The following CADPS2 variants were observed in gnomAD, a reference collection of about 807,000 sequenced individuals.
CADPS2 encodes calcium dependent secretion activator 2.
A neutral mutation model predicts 172.5 loss-of-function variants in CADPS2; 93 were observed. That is an observed-to-expected ratio of 0.54 (90% CI 0.46 to 0.64). The LOEUF (loss-of-function observed/expected upper bound fraction) is 0.64. Ranked by LOEUF, CADPS2 falls within the 30% of genes least tolerant of loss-of-function variation. CADPS2 has a pLI of 0.00. For missense variants in CADPS2, 1,420 were observed against 1,565.9 expected (o/e 0.91, Z 1.57); for synonymous variants, 546 against 555.2 (o/e 0.98, Z 0.23).
chr7:122,472,389 C>G (rs2056095804), intron 13 of CADPS2, among the ~76,000 whole-genome samples: 2 of 152,036 alleles, frequency 1.3e-5, no homozygotes, highest in African/African-American at 4.8e-5. Flanking sequence ...GAAGAACCAT[C>G]AGGTGTGGTA....
chr7:122,599,039 A>T (rs1212460154), intron 6 of CADPS2, among the ~76,000 whole-genome samples: 2 of 152,116 alleles, frequency 1.3e-5, no homozygotes, highest in Non-Finnish European at 2.9e-5. Context: ...AAGGAAAAGT[A>T]AAGGGAAAGT....
chr7:122,645,041 T>A (rs534601319), intron 3 of CADPS2, among the ~76,000 whole-genome samples: 1 of 152,050 alleles, frequency 6.6e-6, no homozygotes, highest in East Asian at 1.9e-4. Flanking sequence ...GTTAATTAGA[T>A]ATAAAATTAC....
intron 14 of CADPS2, among the ~76,000 whole-genome samples, chr7:122,452,472 TGCA>T (rs1756070297): frequency 6.6e-6 from 1 of 152,232 alleles, no homozygotes; most frequent in African/African-American, 2.4e-5. Flanking sequence ...CTTGGCTCAG[TGCA>T]ACCTCCGCCT....
At position 122,600,926 on chromosome 7, in the gene CADPS2, TAA is replaced by T. The variant is rs1438764387; in HGVS notation, c.1223+14253_1223+14254del. Among the ~76,000 whole-genome samples the T allele has an allele frequency of 1.1e-4, 16 of 152,236 alleles. No individual in the cohort carries two copies. In the East Asian group the frequency reaches 1.7e-3, roughly 17 times the overall value. On this transcript the variant is annotated intron_variant, in intron 6 of 29. Transcript: ENST00000449022. Reference sequence around the variant, plus strand: ...ATTTTGGGTTTTCAGAGGGAACAGCTAAAGTTATTTAACATTAATGTAGATGT... The same window carrying T: ...ATTTTGGGTTTTCAGAGGGAACAGCTAGTTATTTAACATTAATGTAGATGT...
At chr7:122,544,065 G>T (rs561308686) in intron 8 of CADPS2, among the ~76,000 whole-genome samples, 2 of 152,188 alleles carry the variant, frequency 1.3e-5, no homozygotes, top group East Asian at 3.9e-4. Context: ...GAGCTCAGCA[G>T]TTCCACTCCT....
chr7:122,632,264 CTTT>C (rs2076647811), intron 3 of CADPS2, among the ~76,000 whole-genome samples: 1 of 152,116 alleles, frequency 6.6e-6, no homozygotes, highest in Non-Finnish European at 1.5e-5. Context: ...GTTTTAACTT[CTTT>C]GAGAAATCTT....
At chr7:122,456,349 A>T (rs2152071568) in intron 14 of CADPS2, among the ~76,000 whole-genome samples, 1 of 152,196 alleles carries the variant, frequency 6.6e-6, no homozygotes, top group Non-Finnish European at 1.5e-5. Flanking sequence ...CGATAATTAA[A>T]TATTAAAGTG....
intron 1 of CADPS2, among the ~76,000 whole-genome samples, chr7:122,751,974 C>T (rs1472226719): frequency 6.6e-6 from 1 of 152,102 alleles, no homozygotes; most frequent in Admixed American, 6.6e-5. Context: ...AGAGCGAGTC[C>T]TTAGATACTC....
At chr7:122,638,476 G>A (rs540661027) in intron 3 of CADPS2, among the ~76,000 whole-genome samples, 1 of 152,094 alleles carries the variant, frequency 6.6e-6, no homozygotes, top group Non-Finnish European at 1.5e-5. Flanking sequence ...GGTTTAGCAG[G>A]TTTTCTGTCA....
intron 12 of CADPS2, among the ~76,000 whole-genome samples, chr7:122,477,719 T>C (rs1176385865): frequency 6.6e-6 from 1 of 152,180 alleles, no homozygotes; most frequent in Non-Finnish European, 1.5e-5. Flanking sequence ...GGGATACATA[T>C]AGACAGTAAA....
chr7:122,674,744 T>C (rs182178618), intron 2 of CADPS2, among the ~76,000 whole-genome samples: 9 of 152,284 alleles, frequency 5.9e-5, no homozygotes, highest in Non-Finnish European at 1.0e-4. Context: ...TGCCAAATCA[T>C]TGTGGCTATG....
chr7:122,320,567 A>G (rs576550090), intron 29 of CADPS2, among the ~76,000 whole-genome samples: 48 of 152,208 alleles, frequency 3.2e-4, no homozygotes, highest in Non-Finnish European at 7.1e-4. Flanking sequence ...TGTTGTTACT[A>G]TCAGATGACA....
chr7:122,691,984 CAG>C (rs1340009238), intron 2 of CADPS2, among the ~76,000 whole-genome samples: 2 of 152,162 alleles, frequency 1.3e-5, no homozygotes, highest in Non-Finnish European at 2.9e-5. Context: ...TATCCGGGTT[CAG>C]AGACTAGTGG....
At chr7:122,709,609 T>C (rs1052583205) in intron 2 of CADPS2, among the ~76,000 whole-genome samples, 5 of 151,878 alleles carry the variant, frequency 3.3e-5, no homozygotes, top group African/African-American at 1.2e-4. Context: ...CATGCACACG[T>C]ATGTTTATTG....
At chr7:122,844,876 G>A (rs977429169) in intron 1 of CADPS2, among the ~76,000 whole-genome samples, 7 of 151,670 alleles carry the variant, frequency 4.6e-5, no homozygotes, top group African/African-American at 1.5e-4. Context: ...TAGACATGTG[G>A]CTTAAAACAA....
chr7:122,616,580 C>T (rs576842331), intron 5 of CADPS2, among the ~76,000 whole-genome samples: 9 of 152,216 alleles, frequency 5.9e-5, no homozygotes, highest in Non-Finnish European at 1.2e-4. Context: ...TTTTCTTCCT[C>T]ATCCAGGGCT....
intron 28 of CADPS2, among the ~76,000 whole-genome samples, chr7:122,329,496 C>T (rs1057394835): frequency 3.9e-5 from 6 of 152,146 alleles, no homozygotes; most frequent in African/African-American, 9.7e-5. Context: ...GTTGTTTCTC[C>T]GCAGAGCTGG....
At chr7:122,576,439 T>C (rs1402910569) in intron 7 of CADPS2, among the ~76,000 whole-genome samples, 1 of 152,168 alleles carries the variant, frequency 6.6e-6, no homozygotes, top group Admixed American at 6.5e-5. Flanking sequence ...TACAACTAAT[T>C]TCATCTGTCT....
intron 28 of CADPS2, among the ~76,000 whole-genome samples, chr7:122,343,532 AAGG>A (rs1428694236): frequency 2.6e-5 from 4 of 152,212 alleles, no homozygotes; most frequent in Admixed American, 6.5e-5. Flanking sequence ...GAATAACTTC[AAGG>A]AGAAAAAACT....
Sources: gnomAD v4.1 joint callset for allele counts (sites outside exome capture counted in the v4.1 genomes callset) on GRCh38, gnomAD v4.1.1 for gene constraint, MANE v1.5 for transcripts, NCBI Gene and HGNC (gene_info 2026-07-23, HGNC 2026-07-21) for gene names.